Variants in PFKP observed in about 807,000 individuals in gnomAD.
The protein encoded by PFKP is phosphofructokinase, platelet, also known as ATP-dependent 6-phosphofructokinase, platelet type.
Under a neutral mutation model 94.3 loss-of-function variants are expected in PFKP, and 101 were observed. The ratio of observed to expected loss-of-function variants is 1.07; its 90% CI spans 0.91 to 1.26. The LOEUF is 1.26. Among genes scored for constraint, PFKP ranks in the 50% most tolerant of loss-of-function variants. PFKP has a pLI of 0.00. For synonymous variants in PFKP, 573 were observed against 432.6 expected, an observed-to-expected ratio of 1.32 and a Z score of -4.03; for missense variants, 1,145 against 1,103.3, an observed-to-expected ratio of 1.04 and a Z score of -0.53.
intron 16 of PFKP, among the ~76,000 whole-genome samples, chr10:3,123,279 C>T (rs1171038852): frequency 2.6e-5 from 4 of 152,220 alleles, no homozygotes; most frequent in South Asian, 2.1e-4. Context: ...GCTGCTGCCA[C>T]GCTGCCGTCA....
intron 1 of PFKP, among the ~76,000 whole-genome samples, chr10:3,075,422 C>CGATTCCA (rs1564260092): frequency 6.6e-6 from 1 of 151,580 alleles, no homozygotes; most frequent in East Asian, 1.9e-4. Flanking sequence ...ATTGAAGAGC[C>CGATTCCA]GATTCCAGAG....
At chr10:3,133,107 G>GA (rs1838787067) in intron 18 of PFKP, 96 bp from the exon 19 acceptor site, 1 of 819,890 alleles carries the variant, frequency 1.2e-6, no homozygotes, top group Admixed American at 1.7e-5. Flanking sequence ...AGGGTTGGGG[G>GA]ATGCGGGAGT....
chr10:3,130,213 AGCTT>A (rs1335266983), intron 17 of PFKP, among the ~76,000 whole-genome samples: 6 of 141,014 alleles, frequency 4.3e-5, no homozygotes, highest in Non-Finnish European at 6.3e-5. Context: ...GTGAAACACA[AGCTT>A]GTTTGTTTGA....
chr10:3,134,086 T>C (rs1588583406), intron 19 of PFKP, among the ~76,000 whole-genome samples: 1 of 152,206 alleles, frequency 6.6e-6, no homozygotes, highest in Non-Finnish European at 1.5e-5. Flanking sequence ...CTTATACTTT[T>C]AAGCCAGAGC....
chr10:3,097,375 C>A (rs895222886), intron 2 of PFKP, among the ~76,000 whole-genome samples: 1 of 152,156 alleles, frequency 6.6e-6, no homozygotes, highest in Non-Finnish European at 1.5e-5. Flanking sequence ...CACACTTGCT[C>A]ACCCTCGCCC....
At position 3,113,425 on chromosome 10, in the gene PFKP, C is replaced by T. The variant is rs752149889; in HGVS notation, c.1278C>T (p.Asn426=). ...TGGGGGCACCCGCGGCTGGGATGAA[C>T]GCAGCCGTACGCTCAGCTGTGCGCG... ...INVGAPAAGM[N]AAVRSAVRVG... Residue 426 remains asparagine, a synonymous_variant, in exon 13 of 22, where the codon AAC becomes AAT. Transcript: ENST00000381125. 2.8e-5 allele frequency: 45 copies of T among 1,605,130 alleles called. No homozygotes were observed. The highest frequency in any genetic ancestry group is 6.7e-5 in the South Asian group (6 of 90,156).
intron 14 of PFKP, 77 bp downstream of exon 14, chr10:3,116,923 G>C (rs1164440396): frequency 1.8e-6 from 2 of 1,138,584 alleles, no homozygotes; most frequent in African/African-American, 3.0e-5. Context: ...GAATCGCTGG[G>C]TGCCGACGCC....
Position 3,136,570 on chromosome 10 carries a change from G to T in PFKP, c.2346G>T (p.Trp782Cys), listed in dbSNP as rs1839388528. 3.1e-6 allele frequency: 5 copies of T among 1,613,276 alleles called. No individual in the cohort carries two copies. Among genetic ancestry groups the T allele is most frequent in the South Asian group, 1.1e-5 (1 of 90,978 alleles). Residue 782 changes from tryptophan (W) to cysteine (C), a missense_variant, in exon 22 of 22, where the codon TGG becomes TGT. By Grantham distance (215) the Trp-to-Cys change is radical. Around this residue, in one of 3 missense-constraint regions of PFKP, gnomAD observed 20 missense variants for 19.6 expected, o/e 1.02. Coordinates refer to ENST00000381125, the MANE Select transcript of PFKP (RefSeq NM_002627.5). ...DSGQLEHVQP[W>C]SV Reference sequence around the variant, plus strand: ...GCCAGCTGGAACATGTGCAGCCCTGGAGTGTCTGACCCAGTCCCGCCTGCA... The same window carrying T: ...GCCAGCTGGAACATGTGCAGCCCTGTAGTGTCTGACCCAGTCCCGCCTGCA...
At chr10:3,107,192 C>G (rs1160729128) in intron 7 of PFKP, 22 bp from the exon 8 acceptor site, 2 of 1,440,496 alleles carry the variant, frequency 1.4e-6, no homozygotes, top group Non-Finnish European at 2.0e-6. Context: ...AATTTGAGAG[C>G]TTTAATTTTC....
chr10:3,129,583 C>T (rs968517143), intron 16 of PFKP: 32 of 513,402 alleles, frequency 6.2e-5, no homozygotes, highest in Non-Finnish European at 9.3e-5. Flanking sequence ...GCCCCCAAAA[C>T]GGGACATCGA....
At chr10:3,135,059 C>T (rs76948401) in intron 20 of PFKP, among the ~76,000 whole-genome samples, 2,036 of 152,320 alleles carry the variant, frequency 0.013, 22 homozygotes, top group Non-Finnish European at 0.019. Flanking sequence ...CTGTAAGTTA[C>T]ATATTCTAAG....
intron 16 of PFKP, chr10:3,129,087 G>GGCC (rs1414545454): frequency 6.6e-6 from 1 of 152,276 alleles, no homozygotes; most frequent in Non-Finnish European, 1.5e-5. Flanking sequence ...TGGGAGCTGA[G>GGCC]GCCCAGGAAG....
intron 1 of PFKP, among the ~76,000 whole-genome samples, chr10:3,075,580 G>GC (rs971850737): frequency 2.8e-5 from 4 of 142,850 alleles, no homozygotes; most frequent in Admixed American, 7.3e-5. Flanking sequence ...TCTAGTTGCC[G>GC]CATTAAAGAA....
chr10:3,135,952 T>G, intron 21 of PFKP, 114 bp downstream of exon 21: 1 of 684,486 alleles, frequency 1.5e-6, no homozygotes, highest in African/African-American at 1.8e-5. Flanking sequence ...AACTGGCTTT[T>G]CTGAAGCTCA....
chr10:3,082,986 C>T (rs1833206202), intron 2 of PFKP, among the ~76,000 whole-genome samples: 1 of 152,168 alleles, frequency 6.6e-6, no homozygotes, highest in African/African-American at 2.4e-5. Flanking sequence ...TTTGGTATTA[C>T]AGGTGTGAGC....
chr10:3,073,513 AC>A (rs1832351706), intron 1 of PFKP, among the ~76,000 whole-genome samples: 1 of 151,468 alleles, frequency 6.6e-6, no homozygotes, highest in Non-Finnish European at 1.5e-5. Flanking sequence ...GTGCTGCTGG[AC>A]CCCCTGGGGC....
In PFKP at chr10:3,133,210, A is replaced by C. The variant is rs756595642; in HGVS notation, c.1918A>C (p.Ser640Arg). The C allele has an allele frequency of 1.2e-6, 2 of 1,612,566 alleles. No homozygotes were observed. The highest frequency in any genetic ancestry group is 2.2e-5 in the East Asian group (1 of 44,854). ...IQRGLVLRNE[S>R]CSENYTTDFI... ...CCTTCTCGCTCGTTTCAGAAATGAG[A>C]GCTGCAGTGAAAACTACACCACCGA... The change falls in exon 19 of 22, where the codon AGC becomes CGC. Residue 640 changes from serine to arginine, a missense_variant. Transcript: ENST00000381125.
At chr10:3,084,448 C>T (rs10736966) in intron 2 of PFKP, among the ~76,000 whole-genome samples, 151,558 of 152,338 alleles carry the variant, frequency 0.99, 75,394 homozygotes, top group Middle Eastern at 1. Flanking sequence ...TTGTTCGTGT[C>T]ATTGTTGTTT....
At chr10:3,068,206 C>A (rs892141548) in intron 1 of PFKP, among the ~76,000 whole-genome samples, 1 of 152,128 alleles carries the variant, frequency 6.6e-6, no homozygotes, top group African/African-American at 2.4e-5. Context: ...ACGCCACCCC[C>A]TAGAATGTCG....
Sources: allele counts gnomAD v4.1 joint callset (sites outside exome capture counted in the v4.1 genomes callset), GRCh38; gene constraint gnomAD v4.1.1; regional missense constraint gnomAD v4.1.1; transcripts MANE v1.5; gene names NCBI Gene and HGNC (gene_info 2026-07-23, HGNC 2026-07-21).